The following CSMD1 variants were observed in gnomAD, a reference collection of about 807,000 sequenced individuals.
CSMD1 encodes the protein CUB and sushi domain-containing protein 1.
Under a neutral mutation model 417.5 loss-of-function variants are expected in CSMD1, and 213 were observed. That is an observed-to-expected ratio of 0.51 (90% CI 0.46 to 0.57). The LOEUF is 0.57. Ranked by LOEUF, CSMD1 falls within the 20% of genes least tolerant of loss-of-function variation. The pLI, the probability that CSMD1 is intolerant of heterozygous loss-of-function variation, is 0.00. For missense variants in CSMD1, 6,923 were observed against 4,529.7 expected, an observed-to-expected ratio of 1.53 and a Z score of -15.17; for synonymous variants, 2,862 against 1,736.8, an observed-to-expected ratio of 1.65 and a Z score of -16.11.
At chr8:3,961,460 A>G (rs959179653) in intron 5 of CSMD1, among the ~76,000 whole-genome samples, 9 of 152,194 alleles carry the variant, frequency 5.9e-5, no homozygotes, top group African/African-American at 1.9e-4. Flanking sequence ...GATTTAAATT[A>G]AAAATGACAT....
intron 21 of CSMD1, among the ~76,000 whole-genome samples, chr8:3,356,915 G>T (rs971809032): frequency 6.6e-6 from 1 of 152,108 alleles, no homozygotes; most frequent in African/African-American, 2.4e-5. Flanking sequence ...ACCAGGCTCT[G>T]TTACACTGGG....
intron 3 of CSMD1, among the ~76,000 whole-genome samples, chr8:4,202,143 A>C (rs549515625): frequency 6.6e-5 from 10 of 151,960 alleles, no homozygotes; most frequent in African/African-American, 2.4e-4. Flanking sequence ...TCAATCAGCC[A>C]TTTCTAGGAC....
chr8:3,967,930 G>A (rs761876573), intron 5 of CSMD1, among the ~76,000 whole-genome samples: 3 of 150,698 alleles, frequency 2.0e-5, no homozygotes, highest in Non-Finnish European at 4.4e-5. Flanking sequence ...CACTTTGGGA[G>A]GCCGAGGTGT....
At chr8:4,318,029 T>C (rs905597114) in intron 3 of CSMD1, among the ~76,000 whole-genome samples, 2 of 152,286 alleles carry the variant, frequency 1.3e-5, no homozygotes, top group Admixed American at 1.3e-4. Flanking sequence ...GTAATTCTAT[T>C]AGCAATATAT....
intron 1 of CSMD1, among the ~76,000 whole-genome samples, chr8:4,648,749 A>T (rs137940513): frequency 3.9e-4 from 59 of 152,188 alleles, no homozygotes; most frequent in African/African-American, 1.3e-3. Context: ...ATTTGTGGGG[A>T]TGAGGGCTAC....
At chr8:3,174,559 A>C (rs945227302) in intron 37 of CSMD1, among the ~76,000 whole-genome samples, 8 of 152,218 alleles carry the variant, frequency 5.3e-5, no homozygotes, top group Non-Finnish European at 1.0e-4. Flanking sequence ...TTTCTAGAAA[A>C]ATTTTTAAAA....
chr8:3,280,603 G>A (rs1013489559), intron 26 of CSMD1, among the ~76,000 whole-genome samples: 2 of 152,058 alleles, frequency 1.3e-5, no homozygotes, highest in Non-Finnish European at 2.9e-5. Flanking sequence ...TTGGAGGGAT[G>A]GATCCTATCC....
At chr8:3,764,571 G>T (rs1011988096) in intron 5 of CSMD1, among the ~76,000 whole-genome samples, 2 of 151,974 alleles carry the variant, frequency 1.3e-5, no homozygotes, top group African/African-American at 4.8e-5. Flanking sequence ...GTGTCTGCAA[G>T]AGAGGATTTA....
rs1367118850 is a variant in CSMD1, at chr8:3,795,574, A to G, written c.819-41532T>C. ...AGATATATATCTATCATAGATATAG[A>G]TATATATCTATCATAGATATAGATA... On this transcript the variant is annotated intron_variant, in intron 5 of 69. Transcript: ENST00000635120. 5.4e-4 allele frequency among the ~76,000 whole-genome samples: 8 copies of G among 14,862 alleles called. 2 individuals are homozygous for G. Among genetic ancestry groups the G allele is most frequent in the Non-Finnish European group, 4.2e-4 (4 of 9,458 alleles). The allele number at this position is 14,862 out of a possible 152,430, so 9.8% of individuals were successfully genotyped here. A position where few individuals can be genotyped will look rare whatever the true frequency, so the allele number is the denominator to read the frequency against.
At chr8:3,684,000 C>A (rs1165076253) in intron 7 of CSMD1, among the ~76,000 whole-genome samples, 2 of 151,126 alleles carry the variant, frequency 1.3e-5, no homozygotes, top group African/African-American at 4.9e-5. Context: ...CTCATTAGAA[C>A]ACATTCAAAT....
chr8:4,462,961 A>G (rs1048522093), intron 2 of CSMD1, among the ~76,000 whole-genome samples: 3 of 152,246 alleles, frequency 2.0e-5, no homozygotes, highest in Non-Finnish European at 4.4e-5. Flanking sequence ...ACTGGAATTC[A>G]TCAAAATTTT....
chr8:3,164,619 A>G (rs988177383), intron 37 of CSMD1, among the ~76,000 whole-genome samples: 4 of 152,190 alleles, frequency 2.6e-5, no homozygotes, highest in Admixed American at 6.5e-5. Context: ...AAAAAAATGT[A>G]TACTTAAAAT....
chr8:4,026,180 A>G (rs1797055850), intron 4 of CSMD1, among the ~76,000 whole-genome samples: 1 of 152,200 alleles, frequency 6.6e-6, no homozygotes, highest in Non-Finnish European at 1.5e-5. Context: ...CAAGAATTAG[A>G]TCATTTTTTC....
At chr8:3,673,865 C>G (rs1011331397) in intron 7 of CSMD1, among the ~76,000 whole-genome samples, 7 of 152,152 alleles carry the variant, frequency 4.6e-5, no homozygotes, top group Non-Finnish European at 1.0e-4. Context: ...CCCCTGTAAT[C>G]CTAGCACTTT....
intron 5 of CSMD1, among the ~76,000 whole-genome samples, chr8:3,900,437 G>T (rs1807664862): frequency 6.6e-6 from 1 of 151,686 alleles, no homozygotes; most frequent in African/African-American, 2.4e-5. Context: ...GTAGCTGGGT[G>T]ACAGCACAGC....
chr8:3,899,221 G>T (rs1807567482), intron 5 of CSMD1, among the ~76,000 whole-genome samples: 1 of 152,174 alleles, frequency 6.6e-6, no homozygotes, highest in African/African-American at 2.4e-5. Context: ...GGACGGACAA[G>T]AGCACAGGAA....
At chr8:3,069,573 A>AT (rs2128997675) in intron 49 of CSMD1, among the ~76,000 whole-genome samples, 1 of 152,284 alleles carries the variant, frequency 6.6e-6, no homozygotes, top group East Asian at 1.9e-4. Flanking sequence ...CACCACTACA[A>AT]GGGGTGGTTT....
chr8:4,427,307 A>G (rs1797616823), intron 2 of CSMD1, among the ~76,000 whole-genome samples: 1 of 152,144 alleles, frequency 6.6e-6, no homozygotes, highest in Non-Finnish European at 1.5e-5. Context: ...GGTACTGTTG[A>G]CAAAATACTG....
intron 1 of CSMD1, among the ~76,000 whole-genome samples, chr8:4,779,428 G>C (rs1467247424): frequency 1.3e-5 from 2 of 152,064 alleles, no homozygotes; most frequent in African/African-American, 4.8e-5. Context: ...CCCTGTGAAA[G>C]AGAAAACTCA....
Sources: allele counts gnomAD v4.1 joint callset (sites outside exome capture counted in the v4.1 genomes callset), GRCh38; gene constraint gnomAD v4.1.1; transcripts MANE v1.5; gene names NCBI Gene and HGNC (gene_info 2026-07-23, HGNC 2026-07-21).